Variants in TCN2 observed in about 807,000 individuals in gnomAD.
TCN2 encodes the protein transcobalamin 2.
A neutral mutation model predicts 48.6 loss-of-function variants in TCN2; 34 were observed. The ratio of observed to expected loss-of-function variants is 0.70; its 90% CI spans 0.53 to 0.93. TCN2 has a LOEUF of 0.93. Ranked by LOEUF, TCN2 falls within the 40% of genes least tolerant of loss-of-function variation. The probability of loss-of-function intolerance (pLI) is 0.00; values close to 1 mark genes in which losing one functional copy is unlikely to be tolerated. For synonymous variants in TCN2, 283 were observed against 212.5 expected (o/e 1.33, Z -2.89); for missense variants, 652 against 526.1 (o/e 1.24, Z -2.34).
intron 8 of TCN2, chr22:30,623,345 A>G (rs2087726777): frequency 1.4e-5 from 6 of 433,868 alleles, no homozygotes; most frequent in South Asian, 1.3e-4. Flanking sequence ...AGGATATACT[A>G]CCTAGGAATA....
intron 7 of TCN2, among the ~76,000 whole-genome samples, chr22:30,618,288 C>T (rs1327105579): frequency 6.7e-6 from 1 of 150,198 alleles, no homozygotes; most frequent in Non-Finnish European, 1.5e-5. Context: ...TTTTTTGAGA[C>T]AGAGTCTCAC....
rs148893618 is a variant in TCN2 at position 30,627,062 on chromosome 22, A to G, written c.*541A>G. The G allele has an allele frequency of 3.0e-4, 54 of 180,544 alleles. No individual in the cohort carries two copies. Among genetic ancestry groups the G allele is most frequent in the African/African-American group, 1.1e-3 (49 of 42,616 alleles). The allele number at this position is 180,544 out of a possible 1,614,324, so 11.2% of individuals were successfully genotyped here. On this transcript the variant is annotated 3_prime_UTR_variant, in exon 9 of 9. Coordinates refer to ENST00000215838, the MANE Select transcript of TCN2 (RefSeq NM_000355.4). ...AGCATTGATGGCCTGTGGACCTGCTACAGTGGCCTGGTGCCTCATACTCCT... is the reference window on the plus strand; with the variant it reads ...AGCATTGATGGCCTGTGGACCTGCTGCAGTGGCCTGGTGCCTCATACTCCT...
At position 30,623,960 on chromosome 22, in the gene TCN2, A is replaced by ATACACACATATATATG. The variant is rs2087758271; in HGVS notation, c.1222+879_1222+880insCACACATATATATGTA. Among the ~76,000 whole-genome samples, 2 of 79,998 alleles carry ATACACACATATATATG rather than the reference A, an allele frequency of 2.5e-5. 1 individual carries two copies. Among genetic ancestry groups the ATACACACATATATATG allele is most frequent in the Non-Finnish European group, 4.5e-5 (2 of 44,894 alleles). The allele number at this position is 79,998 out of a possible 152,430, so 52.5% of individuals were successfully genotyped here. A position where few individuals can be genotyped will look rare whatever the true frequency, so the allele number is the denominator to read the frequency against. On this transcript the variant is annotated intron_variant, in intron 8 of 8. Coordinates refer to ENST00000215838, the MANE Select transcript of TCN2 (RefSeq NM_000355.4). ...TATACACACACACATATGTATACATATATACACACACATATATATGTATAC... is the reference window on the plus strand; with the variant it reads ...TATACACACACACATATGTATACATATACACACATATATATGTATACACACACATATATATGTATAC...
At chr22:30,611,445 C>T (rs773467473) in intron 2 of TCN2, among the ~76,000 whole-genome samples, 10 of 152,196 alleles carry the variant, frequency 6.6e-5, no homozygotes, top group Non-Finnish European at 1.3e-4. Context: ...ACTCTGTATG[C>T]TCCCCTCCCA....
chr22:30,616,485 C>T (rs2087614169), intron 6 of TCN2, among the ~76,000 whole-genome samples: 1 of 114,374 alleles, frequency 8.7e-6, no homozygotes, highest in South Asian at 2.7e-4. Context: ...AAGACTATGT[C>T]TCAAAAAAAA....
rs779850312 is a variant in TCN2, at chr22:30,626,850, G to T, written c.*329G>T. On this transcript the variant is annotated 3_prime_UTR_variant, in exon 9 of 9. Coordinates refer to ENST00000215838, the MANE Select transcript of TCN2 (RefSeq NM_000355.4). ...TGGCAAAAAACGGAGTCCGCAGGCCGCAGGTGTTGTGAAGACCACTCGTTC... is the reference window on the plus strand; with the variant it reads ...TGGCAAAAAACGGAGTCCGCAGGCCTCAGGTGTTGTGAAGACCACTCGTTC... The T allele has an allele frequency of 2.2e-6, 1 of 446,022 alleles. No individual in the cohort carries two copies. 27.6% of individuals were successfully genotyped at this position (446,022 alleles called of 1,614,324 possible).
intron 7 of TCN2, chr22:30,617,747 G>C: frequency 1.9e-6 from 1 of 522,574 alleles, no homozygotes; most frequent in South Asian, 2.0e-5. Flanking sequence ...TAACCAGCTA[G>C]GTTCCAGGTA....
At chr22:30,622,546 G>T (rs988145676) in intron 7 of TCN2, among the ~76,000 whole-genome samples, 2 of 152,134 alleles carry the variant, frequency 1.3e-5, no homozygotes, top group Non-Finnish European at 2.9e-5. Context: ...CCACTGCCAG[G>T]TGTCTCTGCC....
intron 8 of TCN2, among the ~76,000 whole-genome samples, chr22:30,625,353 C>T (rs1011794002): frequency 2.0e-5 from 3 of 152,008 alleles, no homozygotes; most frequent in African/African-American, 7.2e-5. Context: ...GCTGTGTTCT[C>T]ACATGGTGGA....
rs760519616 is a variant in TCN2 at position 30,607,286 on chromosome 22, G to C, written c.-46G>C. 6.2e-7 allele frequency: 1 copy of C among 1,611,050 alleles called. No individual in the cohort carries two copies. The highest frequency in any genetic ancestry group is 1.7e-5 in the Admixed American group (1 of 60,004). Reference sequence around the variant, plus strand: ...AGAGCCTCAGCAGGGCCAGCCCCAGGAGTCTTTCCCGATTCTTGCTCACTG... The same window carrying C: ...AGAGCCTCAGCAGGGCCAGCCCCAGCAGTCTTTCCCGATTCTTGCTCACTG... On this transcript the variant is annotated 5_prime_UTR_variant, in exon 1 of 9. Coordinates refer to ENST00000215838, the MANE Select transcript of TCN2 (RefSeq NM_000355.4).
chr22:30,614,126 G>A (rs1447090949), intron 3 of TCN2, among the ~76,000 whole-genome samples: 2 of 152,274 alleles, frequency 1.3e-5, no homozygotes, highest in South Asian at 2.1e-4. Context: ...GTTGAGGCCC[G>A]AACTGCGCAG....
At chr22:30,619,528 C>A (rs2087666247) in intron 7 of TCN2, among the ~76,000 whole-genome samples, 1 of 152,214 alleles carries the variant, frequency 6.6e-6, no homozygotes, top group Non-Finnish European at 1.5e-5. Context: ...TTTGACAGGT[C>A]CTGTCCATGA....
At chr22:30,623,824 A>ATG (rs2087744394) in intron 8 of TCN2, among the ~76,000 whole-genome samples, 1 of 46,336 alleles carries the variant, frequency 2.2e-5, no homozygotes, top group Non-Finnish European at 3.7e-5. Flanking sequence ...ACACACACAT[A>ATG]CACACACATA....
chr22:30,615,503 C>T, intron 5 of TCN2, 30 bp downstream of exon 5: 3 of 1,610,110 alleles, frequency 1.9e-6, no homozygotes, highest in Non-Finnish European at 2.5e-6. Flanking sequence ...GCCATGGCCA[C>T]CCTGGGGAAC....
intron 3 of TCN2, among the ~76,000 whole-genome samples, 190 bp downstream of exon 3, chr22:30,613,232 G>A (rs973062138): frequency 1.6e-4 from 24 of 152,234 alleles, no homozygotes; most frequent in African/African-American, 5.1e-4. Flanking sequence ...CTTTTCCCGC[G>A]CTGCACACAT....
At chr22:30,610,430 A>G in intron 1 of TCN2, 1 of 386,984 alleles carries the variant, frequency 2.6e-6, no homozygotes, top group South Asian at 2.0e-5. Flanking sequence ...AGTTAGGTCC[A>G]TCCTTGGCTC....
At chr22:30,623,155 C>T (rs2087723088) in intron 8 of TCN2, 72 bp downstream of exon 8, 1 of 1,500,292 alleles carries the variant, frequency 6.7e-7, no homozygotes, top group Non-Finnish European at 9.3e-7. Flanking sequence ...TTCATCAACT[C>T]ACCCCAGCTT....
At position 30,614,376 on chromosome 22, in the gene TCN2, C is replaced by T. The variant is rs759330825; in HGVS notation, c.455C>T (p.Thr152Ile). 8.7e-6 allele frequency: 14 copies of T among 1,614,188 alleles called. No homozygotes were observed. The highest frequency in any genetic ancestry group is 1.2e-5 in the Non-Finnish European group (14 of 1,180,022). The change falls in exon 4 of 9, where the codon ACT becomes ATT. Residue 152 changes from threonine to isoleucine, a missense_variant. Coordinates refer to ENST00000215838, the MANE Select transcript of TCN2 (RefSeq NM_000355.4). ...CATGATCACAAGGGCCACCCCCACA[C>T]TAGCTACTACCAGTATGGCCTGGGC... is the stretch of plus-strand genomic sequence containing the variant. Reference protein sequence around the residue: ...IGHDHKGHPHTSYYQYGLGIL... With the variant: ...IGHDHKGHPHISYYQYGLGIL...
chr22:30,624,505 T>C (rs1224346796), intron 8 of TCN2, among the ~76,000 whole-genome samples: 1 of 151,660 alleles, frequency 6.6e-6, no homozygotes, highest in Non-Finnish European at 1.5e-5. Context: ...ATAGAGAAGG[T>C]GGGACTTTCT....
Sources: allele counts gnomAD v4.1 joint callset (sites outside exome capture counted in the v4.1 genomes callset), GRCh38; gene constraint gnomAD v4.1.1; transcripts MANE v1.5; gene names NCBI Gene and HGNC (gene_info 2026-07-23, HGNC 2026-07-21).